The following PDE6C variants were observed in gnomAD, a reference collection of about 807,000 sequenced individuals.
PDE6C encodes the protein cone cGMP-specific 3',5'-cyclic phosphodiesterase subunit alpha'.
PDE6C carries 75 observed loss-of-function variants against 113.1 expected under a neutral mutation model. The observed-to-expected ratio is 0.66, with a 90% CI of 0.55 to 0.80. The LOEUF is 0.80. Among genes scored for constraint, PDE6C ranks in the 30% least tolerant of loss-of-function variants. The pLI is 0.00. For missense variants in PDE6C, 912 were observed against 1,038.6 expected, an observed-to-expected ratio of 0.88 and a Z score of 1.67; for synonymous variants, 375 against 363.7, an observed-to-expected ratio of 1.03 and a Z score of -0.35.
intron 15 of PDE6C, among the ~76,000 whole-genome samples, chr10:93,652,998 CT>C (rs1479249054): frequency 6.6e-6 from 1 of 152,134 alleles, no homozygotes; most frequent in Non-Finnish European, 1.5e-5. Flanking sequence ...CCTCCCCCTG[CT>C]TTTTTTCCTA....
chr10:93,663,246 A>G (rs1378271321), intron 21 of PDE6C, 68 bp downstream of exon 21: 1 of 1,475,408 alleles, frequency 6.8e-7, no homozygotes, highest in Non-Finnish European at 9.4e-7. Context: ...ATGGCATGTG[A>G]CAAAGCCATA....
At chr10:93,636,880 G>A (rs577562491) in intron 10 of PDE6C, 115 bp from the exon 11 acceptor site, 18 of 697,472 alleles carry the variant, frequency 2.6e-5, no homozygotes, top group South Asian at 6.3e-5. Context: ...GGATCTTCCC[G>A]CCTCTTCCTC....
intron 15 of PDE6C, among the ~76,000 whole-genome samples, chr10:93,647,379 C>A (rs1040931575): frequency 1.3e-5 from 2 of 152,106 alleles, no homozygotes; most frequent in Non-Finnish European, 2.9e-5. Context: ...ATACTAAATT[C>A]TTCTAGGTAA....
chr10:93,665,936 C>T lies in PDE6C; in HGVS notation c.*518C>T. 1 of 186,134 alleles carries T rather than the reference C, an allele frequency of 5.4e-6. No individual in the cohort carries two copies. Among genetic ancestry groups the T allele is most frequent in the Non-Finnish European group, 1.1e-5 (1 of 90,244 alleles). The allele number at this position is 186,134 out of a possible 1,614,324, so 11.5% of individuals were successfully genotyped here. A position where few individuals can be genotyped will look rare whatever the true frequency, so the allele number is the denominator to read the frequency against. ...TCCTAATCTCCTTTTCTTATAAGGA[C>T]TCCAGTAGGACTGGATTAGGGCCTA... On this transcript the variant is annotated 3_prime_UTR_variant, in exon 22 of 22. Coordinates refer to ENST00000371447, the MANE Select transcript of PDE6C (RefSeq NM_006204.4).
At chr10:93,615,834 C>T (rs981573056) in intron 1 of PDE6C, among the ~76,000 whole-genome samples, 6 of 152,170 alleles carry the variant, frequency 3.9e-5, no homozygotes, top group African/African-American at 1.2e-4. Flanking sequence ...CTTATGAAGT[C>T]TTTAGCCCAA....
chr10:93,659,073 C>T (rs1377498987), intron 17 of PDE6C, 31 bp from the exon 18 acceptor site: 21 of 1,588,466 alleles, frequency 1.3e-5, no homozygotes, highest in Admixed American at 1.7e-5. Flanking sequence ...GTACTTATTT[C>T]TATTTTAAAA....
intron 8 of PDE6C, among the ~76,000 whole-genome samples, chr10:93,634,344 C>T (rs532641756): frequency 1.3e-5 from 2 of 152,212 alleles, no homozygotes; most frequent in East Asian, 3.9e-4. Flanking sequence ...AACTAAGTGA[C>T]AGGTGGTTGG....
chr10:93,638,462 C>T (rs1235196846), intron 11 of PDE6C, among the ~76,000 whole-genome samples: 1 of 152,282 alleles, frequency 6.6e-6, no homozygotes, highest in African/African-American at 2.4e-5. Context: ...CCCACCTGCC[C>T]TCAACAATAG....
rs200445032 is a variant in PDE6C at position 93,620,749 on chromosome 10, G to A, written c.598G>A (p.Val200Ile). ...TGCTGTGATCATGGCAGTTAACAAA[G>A]TAAATGCATCTGAATTTTCCAAACA... ...VLAVIMAVNK[V>I]NASEFSKQDE... is the part of the protein sequence containing the mutation. Residue 200 changes from valine (V) to isoleucine (I), a missense_variant, in exon 2 of 22, where the codon GTA (valine) becomes ATA (isoleucine). Coordinates refer to ENST00000371447, the MANE Select transcript of PDE6C (RefSeq NM_006204.4). 4.0e-5 allele frequency: 65 copies of A among 1,614,040 alleles called. No individual in the cohort carries two copies. The highest frequency in any genetic ancestry group is 1.8e-4 in the South Asian group (16 of 91,086).
At position 93,640,489 on chromosome 10, in the gene PDE6C, C is replaced by T. The variant is rs781699886; in HGVS notation, c.1669C>T (p.Arg557Ter). 1.1e-5 allele frequency: 17 copies of T among 1,613,574 alleles called. No homozygotes were observed. The highest frequency in any genetic ancestry group is 1.4e-5 in the Non-Finnish European group (16 of 1,179,658). The change falls in exon 13 of 22, where the codon CGA (arginine) becomes TGA (stop). Residue 557 changes from arginine to a stop codon, truncating the protein, a stop_gained. Coordinates refer to ENST00000371447, the MANE Select transcript of PDE6C (RefSeq NM_006204.4). LOFTEE classifies it high-confidence loss of function. The part of the protein sequence containing the change: ...RWMYTVRKGY[R>*]AVTYHNWRHG... Reference sequence around the variant, plus strand: ...GATGTACACTGTGAGGAAAGGGTACCGAGCTGTCACTTACCACAATTGGCG... The same window carrying T: ...GATGTACACTGTGAGGAAAGGGTACTGAGCTGTCACTTACCACAATTGGCG...
At position 93,612,965 on chromosome 10, in the gene PDE6C, T is replaced by C; in HGVS notation, c.240T>C (p.Val80=). The C allele has an allele frequency of 1.2e-6, 2 of 1,613,960 alleles. No individual in the cohort carries two copies. The highest frequency in any genetic ancestry group is 1.7e-6 in the Non-Finnish European group (2 of 1,179,956). The change falls in exon 1 of 22, where the codon GTT becomes GTC. Residue 80 remains valine (V), a synonymous_variant. Coordinates refer to ENST00000371447, the MANE Select transcript of PDE6C (RefSeq NM_006204.4). ...AGGGGGGCACCCCAGAGCAGGGGGT[T>C]CACAGGGCCCTGCAGAGGCTGGCCC... is the stretch of plus-strand genomic sequence containing the variant. ...QEEGGTPEQG[V]HRALQRLAHL...
At chr10:93,636,365 GCTTTGTGTGTGTGTGTGTGT>G (rs1192589694) in intron 10 of PDE6C, among the ~76,000 whole-genome samples, 3 of 23,390 alleles carry the variant, frequency 1.3e-4, no homozygotes, top group Non-Finnish European at 2.5e-4. Context: ...TATTTCCCTG[GCTTTGTGTGTGTGTGTGTGT>G]GTGTGTGTGT....
intron 15 of PDE6C, among the ~76,000 whole-genome samples, chr10:93,650,457 A>C (rs1295305390): frequency 6.6e-6 from 1 of 152,144 alleles, no homozygotes; most frequent in Non-Finnish European, 1.5e-5. Flanking sequence ...TGTGTTGCTT[A>C]GGCTGGTCTT....
At chr10:93,623,836 T>A (rs1042738833) in intron 4 of PDE6C, among the ~76,000 whole-genome samples, 2 of 152,198 alleles carry the variant, frequency 1.3e-5, no homozygotes, top group African/African-American at 4.8e-5. Context: ...AATACCACAC[T>A]GTCTTGATTA....
intron 14 of PDE6C, among the ~76,000 whole-genome samples, chr10:93,642,937 C>T (rs1056487678): frequency 1.3e-5 from 2 of 152,166 alleles, no homozygotes; most frequent in African/African-American, 2.4e-5. Flanking sequence ...CTACACTGGC[C>T]GCTCGCTCCT....
At chr10:93,636,390 GTGTGT>G (rs1231898488) in intron 10 of PDE6C, among the ~76,000 whole-genome samples, 3 of 149,516 alleles carry the variant, frequency 2.0e-5, no homozygotes, top group Admixed American at 1.3e-4. Flanking sequence ...GTGTGTGTGT[GTGTGT>G]GTGTGTGTGT....
In PDE6C at chr10:93,620,688, G is replaced by C. The variant is rs752478645; in HGVS notation, c.537G>C (p.Leu179=). Residue 179 remains leucine, a synonymous_variant, in exon 2 of 22, where the codon CTG becomes CTC. Transcript: ENST00000371447. ...AAACTGGGTATGTCACTAAGAACCT[G>C]CTGGCAACCCCGATCGTGGTGGGCA... ...DKQTGYVTKN[L]LATPIVVGKE... is the part of the protein sequence containing the mutation. 6.2e-7 allele frequency: 1 copy of C among 1,614,020 alleles called. No individual in the cohort carries two copies. Among genetic ancestry groups the C allele is most frequent in the African/African-American group, 1.3e-5 (1 of 74,920 alleles).
At chr10:93,615,957 C>A (rs2058417621) in intron 1 of PDE6C, among the ~76,000 whole-genome samples, 1 of 152,118 alleles carries the variant, frequency 6.6e-6, no homozygotes, top group South Asian at 2.1e-4. Flanking sequence ...GAGTATGTGT[C>A]CAGTGCTGTT....
intron 10 of PDE6C, 54 bp downstream of exon 10, chr10:93,635,694 T>C (rs1239414918): frequency 6.4e-7 from 1 of 1,571,302 alleles, no homozygotes; most frequent in African/African-American, 1.3e-5. Flanking sequence ...CCACATATTC[T>C]AGAAGTCATC....
Sources: allele counts gnomAD v4.1 joint callset (sites outside exome capture counted in the v4.1 genomes callset), GRCh38; gene constraint gnomAD v4.1.1; transcripts MANE v1.5; gene names NCBI Gene and HGNC (gene_info 2026-07-23, HGNC 2026-07-21).